ITPR3: variants seen among roughly 807,000 people sequenced by gnomAD.
The protein encoded by ITPR3 is inositol 1,4,5-trisphosphate-gated calcium channel ITPR3.
In ITPR3, 173 loss-of-function variants were observed where a neutral mutation model predicts 293.2. That is an observed-to-expected ratio of 0.59 (90% CI 0.52 to 0.67). ITPR3 has a LOEUF of 0.67. Among genes scored for constraint, ITPR3 ranks in the 30% least tolerant of loss-of-function variants. The probability of loss-of-function intolerance (pLI) is 0.00; values close to 1 mark genes in which losing one functional copy is unlikely to be tolerated. For synonymous variants in ITPR3, 1,295 were observed against 1,444.4 expected, an observed-to-expected ratio of 0.90 and a Z score of 2.35; for missense variants, 2,796 against 3,592.1, an observed-to-expected ratio of 0.78 and a Z score of 5.66.
At chr6:33,651,409 C>T (rs1390031521) in intron 2 of ITPR3, among the ~76,000 whole-genome samples, 2 of 152,036 alleles carry the variant, frequency 1.3e-5, no homozygotes, top group South Asian at 2.1e-4. Flanking sequence ...AAGCCCAGGT[C>T]GTTTGGGGTT....
chr6:33,686,907 T>G, intron 43 of ITPR3, 102 bp from the exon 44 acceptor site: 4 of 930,282 alleles, frequency 4.3e-6, no homozygotes, highest in South Asian at 3.0e-5. Flanking sequence ...CACCTGACCT[T>G]TTGTTGGATG....
chr6:33,680,817 TA>T (rs1765053703), intron 33 of ITPR3, 137 bp downstream of exon 33: 1 of 1,051,096 alleles, frequency 9.5e-7, no homozygotes, highest in Non-Finnish European at 1.3e-6. Flanking sequence ...GTGTATTGGT[TA>T]TCTTTTTTTT....
At chr6:33,649,288 C>T (rs534123867) in intron 2 of ITPR3, among the ~76,000 whole-genome samples, 2 of 152,246 alleles carry the variant, frequency 1.3e-5, no homozygotes, top group Middle Eastern at 3.4e-3. Context: ...TGCAATGGTG[C>T]GATCTCGGCT....
intron 13 of ITPR3, 84 bp from the exon 14 acceptor site, chr6:33,665,751 T>C: frequency 6.7e-7 from 1 of 1,501,632 alleles, no homozygotes; most frequent in Admixed American, 1.7e-5. Flanking sequence ...ATGAAAGCCA[T>C]GTTTTGGGAG....
At chr6:33,639,676 G>C (rs540293917) in intron 1 of ITPR3, among the ~76,000 whole-genome samples, 1 of 152,238 alleles carries the variant, frequency 6.6e-6, no homozygotes, top group Admixed American at 6.5e-5. Flanking sequence ...AATGCAGGAA[G>C]GGTGGCTGGA....
chr6:33,658,634 G>C lies in ITPR3; in HGVS notation c.370-36G>C. The C allele has an allele frequency of 3.7e-6, 6 of 1,609,332 alleles. No homozygotes were observed. Among genetic ancestry groups the C allele is most frequent in the Non-Finnish European group, 5.1e-6 (6 of 1,176,716 alleles). ...CCTCCCTAATGGGCCGACTCCTGTG[G>C]CGCGGTGACCTTCCCGCACCCCACC... On this transcript the variant is annotated intron_variant, in intron 4 of 57. Coordinates refer to ENST00000605930, the MANE Select transcript of ITPR3 (RefSeq NM_002224.4). This position sits in a 1 kb window ranked among gnomAD's most constrained non-coding sequence, Gnocchi z 6.1.
At chr6:33,671,044 G>A in intron 20 of ITPR3, 121 bp from the exon 21 acceptor site, 1 of 1,498,152 alleles carries the variant, frequency 6.7e-7, no homozygotes, top group Non-Finnish European at 9.0e-7. Context: ...TCCCTCCTGG[G>A]AACCCCGTCC....
Position 33,673,575 on chromosome 6 carries a change from T to C in ITPR3, c.2929-16T>C, listed in dbSNP as rs1267609308. ...TCCTCACCCCATCCTCACCTGACCTTTCCTCTCTTCTCCAGTTCATCCTCA... is the reference window on the plus strand; with the variant it reads ...TCCTCACCCCATCCTCACCTGACCTCTCCTCTCTTCTCCAGTTCATCCTCA... On this transcript the variant is annotated splice_polypyrimidine_tract_variant and intron_variant, in intron 22 of 57. Coordinates refer to ENST00000605930, the MANE Select transcript of ITPR3 (RefSeq NM_002224.4). The C allele has an allele frequency of 1.9e-6, 3 of 1,613,838 alleles. 1 individual carries two copies.
chr6:33,646,169 A>G (rs1404593477), intron 2 of ITPR3, among the ~76,000 whole-genome samples: 1 of 151,824 alleles, frequency 6.6e-6, no homozygotes, highest in African/African-American at 2.4e-5. Context: ...TTTCCTTTTT[A>G]TAAAAGTAAG....
chr6:33,658,608 C>A lies in ITPR3; in HGVS notation c.370-62C>A. The stretch of plus-strand genomic sequence containing the variant: ...AGGGTCTAGGGGATCCCCCCATATC[C>A]CCTCCCTAATGGGCCGACTCCTGTG... On this transcript the variant is annotated intron_variant, in intron 4 of 57. Coordinates refer to ENST00000605930, the MANE Select transcript of ITPR3 (RefSeq NM_002224.4). The surrounding 1 kb of genome is among the most constrained non-coding windows in gnomAD (Gnocchi z 6.1). 2 of 1,585,008 alleles carry A rather than the reference C, an allele frequency of 1.3e-6. No individual in the cohort carries two copies. The highest frequency in any genetic ancestry group is 2.3e-5 in the South Asian group (2 of 87,710).
In ITPR3 at chr6:33,658,366, AG is replaced by A. The variant is rs35197284; in HGVS notation, c.370-302del. 6.6e-6 allele frequency among the ~76,000 whole-genome samples: 1 copy of A among 152,138 alleles called. No homozygotes were observed. The highest frequency in any genetic ancestry group is 1.5e-5 in the Non-Finnish European group (1 of 68,016). ...CCTTGGTTTCCCCATCTGTGAAATC[AG>A]GCAGTAATAGTACTTCCCTCTTGGA... On this transcript the variant is annotated intron_variant, in intron 4 of 57. Coordinates refer to ENST00000605930, the MANE Select transcript of ITPR3 (RefSeq NM_002224.4). The surrounding 1 kb of genome is among the most constrained non-coding windows in gnomAD (Gnocchi z 6.1).
chr6:33,634,551 C>T (rs924700716), intron 1 of ITPR3, among the ~76,000 whole-genome samples: 1 of 152,148 alleles, frequency 6.6e-6, no homozygotes, highest in Non-Finnish European at 1.5e-5. Flanking sequence ...TGTTTTCCTT[C>T]CCAGCCTTGT....
rs1765125927 is a variant in ITPR3 at position 33,683,213 on chromosome 6, G to T, written c.4604G>T (p.Gly1535Val). 6.5e-7 allele frequency: 1 copy of T among 1,526,886 alleles called. No individual in the cohort carries two copies. Among genetic ancestry groups the T allele is most frequent in the Middle Eastern group, 1.7e-4 (1 of 5,860 alleles). The allele number at this position is 1,526,886 out of a possible 1,614,324, so 94.6% of individuals were successfully genotyped here. The part of the protein sequence containing the change: ...CIRTLAMVAK[G>V]RAILLPMDLD... The stretch of plus-strand genomic sequence containing the variant: ...TCCCTCCCTTCCCACCCAGCCAAGG[G>T]CCGGGCCATCTTGCTGCCCATGGAC... Residue 1535 changes from glycine (G) to valine (V), a missense_variant, in exon 35 of 58, where the codon GGC becomes GTC. Around this residue, in one of 8 missense-constraint regions of ITPR3, gnomAD observed 704 missense variants for 797.5 expected, o/e 0.88. Coordinates refer to ENST00000605930, the MANE Select transcript of ITPR3 (RefSeq NM_002224.4). The surrounding 1 kb of genome is among the most constrained non-coding windows in gnomAD (Gnocchi z 4.5).
rs565085428 is a variant in ITPR3 at position 33,645,265 on chromosome 6, C to T, written c.160+4711C>T. On this transcript the variant is annotated intron_variant, in intron 2 of 57. Transcript: ENST00000605930. ...AGGAGAATCGCTTGAACCCGGGAGG[C>T]GGAGGTTGCAGTGAGCCAAGATCAC... Among the ~76,000 whole-genome samples the T allele has an allele frequency of 5.8e-4, 89 of 152,156 alleles. 1 individual carries two copies. In the East Asian group the frequency reaches 0.017, roughly 28 times the overall value.
intron 31 of ITPR3, 55 bp from the exon 32 acceptor site, chr6:33,680,274 G>T: frequency 6.3e-7 from 1 of 1,584,320 alleles, no homozygotes; most frequent in East Asian, 2.2e-5. Context: ...TTGTGGCAGG[G>T]AGAGCCTGGC....
In ITPR3 at chr6:33,655,410, G is replaced by T. The variant is rs188268944; in HGVS notation, c.161-356G>T. On this transcript the variant is annotated intron_variant, in intron 2 of 57. Coordinates refer to ENST00000605930, the MANE Select transcript of ITPR3 (RefSeq NM_002224.4). This position sits in a 1 kb window ranked among gnomAD's most constrained non-coding sequence, Gnocchi z 4.9. ...TCAGCCAAGGCAATTAGCTAAAGAG[G>T]ATGCAGATGTGAGCTGTTAGCTGCC... is the stretch of plus-strand genomic sequence containing the variant. 3.3e-5 allele frequency among the ~76,000 whole-genome samples: 5 copies of T among 152,158 alleles called. No homozygotes were observed. Among genetic ancestry groups the T allele is most frequent in the Non-Finnish European group, 5.9e-5 (4 of 68,030 alleles).
Position 33,655,171 on chromosome 6 carries a change from A to G in ITPR3, c.161-595A>G, listed in dbSNP as rs1764275886. Among the ~76,000 whole-genome samples, 1 of 152,182 alleles carries G rather than the reference A, an allele frequency of 6.6e-6. No individual in the cohort carries two copies. Among genetic ancestry groups the G allele is most frequent in the Non-Finnish European group, 1.5e-5 (1 of 68,032 alleles). On this transcript the variant is annotated intron_variant, in intron 2 of 57. Transcript: ENST00000605930. The surrounding 1 kb of genome is among the most constrained non-coding windows in gnomAD (Gnocchi z 4.9). ...AGTGAGGGAGCCTCTTCCTCTTTGT[A>G]TAGGGCAGGAGAAGAAGCTGAGCAA...
intron 16 of ITPR3, among the ~76,000 whole-genome samples, chr6:33,668,186 C>T (rs2127278827): frequency 6.6e-6 from 1 of 152,324 alleles, no homozygotes; most frequent in Admixed American, 6.5e-5. Context: ...ACTCCTTGTA[C>T]CACTAGAGGC....
chr6:33,695,096 C>T lies in ITPR3; in HGVS notation c.7947+11C>T, dbSNP rs554852557. 22 of 1,612,408 alleles carry T rather than the reference C, an allele frequency of 1.4e-5. No individual in the cohort carries two copies. Among genetic ancestry groups the T allele is most frequent in the East Asian group, 8.9e-5 (4 of 44,840 alleles). ...GAGCTCAAGGAGCAGGTGTGCACCC[C>T]GCCTGATCCCAGGCCCACCCTGGGT... On this transcript the variant is annotated intron_variant, in intron 57 of 57. Coordinates refer to ENST00000605930, the MANE Select transcript of ITPR3 (RefSeq NM_002224.4).
Sources: gnomAD v4.1 joint callset for allele counts (sites outside exome capture counted in the v4.1 genomes callset) on GRCh38, gnomAD v4.1.1 for gene constraint, gnomAD v4.1.1 regional missense constraint, Gnocchi (gnomAD v3.1) non-coding constraint, MANE v1.5 for transcripts, NCBI Gene and HGNC (gene_info 2026-07-23, HGNC 2026-07-21) for gene names.